The following PAWR variants were observed in gnomAD, a reference collection of about 807,000 sequenced individuals.
PAWR encodes PRKC apoptosis WT1 regulator protein.
Under a neutral mutation model 32.0 loss-of-function variants are expected in PAWR, and 23 were observed. That is an observed-to-expected ratio of 0.72 (90% confidence interval 0.52 to 1.02). The LOEUF (loss-of-function observed/expected upper bound fraction) is 1.02. Ranked by LOEUF, PAWR falls within the 50% of genes least tolerant of loss-of-function variation. The pLI is 0.00. For synonymous variants in PAWR, 226 were observed against 187.1 expected, an observed-to-expected ratio of 1.21 and a Z score of -1.70; for missense variants, 457 against 437.7, an observed-to-expected ratio of 1.04 and a Z score of -0.39.
At chr12:79,629,766 A>G (rs1301167077) in intron 2 of PAWR, among the ~76,000 whole-genome samples, 1 of 152,166 alleles carries the variant, frequency 6.6e-6, no homozygotes, top group Non-Finnish European at 1.5e-5. Flanking sequence ...TGCAAACATA[A>G]GATGATGAAA....
chr12:79,637,933 T>C (rs1264614925), intron 2 of PAWR, among the ~76,000 whole-genome samples: 2 of 152,172 alleles, frequency 1.3e-5, no homozygotes, highest in African/African-American at 2.4e-5. Context: ...CATTTTGAAG[T>C]GTACTTACAT....
chr12:79,600,902 C>T (rs192181875), intron 4 of PAWR, among the ~76,000 whole-genome samples: 18 of 152,234 alleles, frequency 1.2e-4, no homozygotes, highest in African/African-American at 4.1e-4. Context: ...ATATCCTGTT[C>T]GCAGAGTAAT....
chr12:79,659,728 A>C (rs1858228971), intron 2 of PAWR, among the ~76,000 whole-genome samples: 1 of 152,236 alleles, frequency 6.6e-6, no homozygotes, highest in Non-Finnish European at 1.5e-5. Flanking sequence ...AAATCCTATT[A>C]ATGATAAAAA....
chr12:79,612,084 T>A (rs983804899), intron 4 of PAWR, among the ~76,000 whole-genome samples: 1 of 152,196 alleles, frequency 6.6e-6, no homozygotes, highest in Non-Finnish European at 1.5e-5. Flanking sequence ...GGTTTGAGAA[T>A]GTGGTATGGG....
chr12:79,616,456 T>C (rs997651229), intron 3 of PAWR, among the ~76,000 whole-genome samples: 2 of 152,154 alleles, frequency 1.3e-5, no homozygotes, highest in African/African-American at 4.8e-5. Context: ...ACAAACACTA[T>C]TTCTGAGGCT....
intron 2 of PAWR, among the ~76,000 whole-genome samples, chr12:79,646,075 T>C (rs1045001050): frequency 4.6e-5 from 7 of 152,200 alleles, no homozygotes; most frequent in African/African-American, 1.4e-4. Context: ...GGATTTGTGT[T>C]TTTTTCAGAG....
At chr12:79,636,411 G>T (rs1052247183) in intron 2 of PAWR, among the ~76,000 whole-genome samples, 1 of 151,854 alleles carries the variant, frequency 6.6e-6, no homozygotes, top group Non-Finnish European at 1.5e-5. Context: ...GAACAGTAGG[G>T]GTAAACCTAA....
At chr12:79,623,898 G>A (rs1875153011) in intron 2 of PAWR, among the ~76,000 whole-genome samples, 1 of 152,070 alleles carries the variant, frequency 6.6e-6, no homozygotes, top group African/African-American at 2.4e-5. Context: ...AGAGGTCCTA[G>A]AACAGAAAGA....
chr12:79,684,555 G>A (rs1384824449), intron 2 of PAWR, among the ~76,000 whole-genome samples: 1 of 151,812 alleles, frequency 6.6e-6, no homozygotes, highest in Admixed American at 6.6e-5. Context: ...AGGCTGCAGT[G>A]AGCTGAGATC....
intron 2 of PAWR, among the ~76,000 whole-genome samples, chr12:79,685,602 T>A (rs1878646031): frequency 6.6e-6 from 1 of 152,172 alleles, no homozygotes; most frequent in Non-Finnish European, 1.5e-5. Flanking sequence ...AATCAAAGAT[T>A]CACATTTTCT....
At chr12:79,688,975 C>A (rs1878826082) in intron 2 of PAWR, among the ~76,000 whole-genome samples, 1 of 152,084 alleles carries the variant, frequency 6.6e-6, no homozygotes, top group African/African-American at 2.4e-5. Flanking sequence ...ATGGAAGATG[C>A]TGCTACCTGT....
chr12:79,677,122 GGCCTAGT>G (rs1490996613), intron 2 of PAWR, among the ~76,000 whole-genome samples: 1 of 152,162 alleles, frequency 6.6e-6, no homozygotes, highest in East Asian at 1.9e-4. Flanking sequence ...GCGTTCAAAA[GGCCTAGT>G]GCAGTGTCTA....
chr12:79,664,822 T>C (rs1877527899), intron 2 of PAWR, among the ~76,000 whole-genome samples: 1 of 152,038 alleles, frequency 6.6e-6, no homozygotes, highest in Admixed American at 6.5e-5. Context: ...CCAAGGCCTA[T>C]ACTTGAACAA....
chr12:79,687,440 C>G (rs1878734936), intron 2 of PAWR, among the ~76,000 whole-genome samples: 1 of 152,174 alleles, frequency 6.6e-6, no homozygotes. Flanking sequence ...AAAACCAGAT[C>G]TCTACATATG....
chr12:79,635,780 T>G (rs1302308586), intron 2 of PAWR, among the ~76,000 whole-genome samples: 3 of 152,210 alleles, frequency 2.0e-5, no homozygotes, highest in Non-Finnish European at 4.4e-5. Flanking sequence ...TATGTTCTGA[T>G]AGTTTTATGA....
chr12:79,681,613 A>G (rs759230122), intron 2 of PAWR, among the ~76,000 whole-genome samples: 1 of 152,214 alleles, frequency 6.6e-6, no homozygotes, highest in African/African-American at 2.4e-5. Flanking sequence ...TAGAAACACA[A>G]ATATTAATAT....
At chr12:79,648,028 T>A (rs559897282) in intron 2 of PAWR, among the ~76,000 whole-genome samples, 29 of 152,300 alleles carry the variant, frequency 1.9e-4, no homozygotes, top group South Asian at 8.3e-4. Context: ...GAGAATCTAA[T>A]GCCCCTGCTG....
At chr12:79,673,555 G>A (rs1878016042) in intron 2 of PAWR, among the ~76,000 whole-genome samples, 1 of 152,118 alleles carries the variant, frequency 6.6e-6, no homozygotes, top group African/African-American at 2.4e-5. Flanking sequence ...CAGCCTTATT[G>A]TGCCCCTCAG....
intron 2 of PAWR, among the ~76,000 whole-genome samples, chr12:79,672,745 A>T (rs555139121): frequency 1.3e-5 from 2 of 152,166 alleles, no homozygotes; most frequent in South Asian, 4.1e-4. Context: ...AAAGATTCTA[A>T]TTTTTTTCTG....
Sources: gnomAD v4.1 joint callset for allele counts (sites outside exome capture counted in the v4.1 genomes callset) on GRCh38, gnomAD v4.1.1 for gene constraint, MANE v1.5 for transcripts, NCBI Gene and HGNC (gene_info 2026-07-23, HGNC 2026-07-21) for gene names.